The following CLASP2 variants were observed in gnomAD, a reference collection of about 807,000 sequenced individuals.
CLASP2 encodes CLIP-associating protein 2.
CLASP2 carries 47 observed loss-of-function variants against 194.4 expected under a neutral mutation model. The ratio of observed to expected loss-of-function variants is 0.24; its 90% CI spans 0.19 to 0.31. CLASP2 has a LOEUF of 0.31. CLASP2 is among the 10% of genes least tolerant of loss of function. The probability of loss-of-function intolerance (pLI) is 1.00; values close to 1 mark genes in which losing one functional copy is unlikely to be tolerated. For synonymous variants in CLASP2, 619 were observed against 633.5 expected (o/e 0.98, Z 0.34); for missense variants, 1,445 against 1,823.6 (o/e 0.79, Z 3.78).
intron 29 of CLASP2, among the ~76,000 whole-genome samples, chr3:33,555,548 T>C (rs1306765492): frequency 6.6e-6 from 1 of 152,142 alleles, no homozygotes; most frequent in African/African-American, 2.4e-5. Flanking sequence ...AAAAATTTTT[T>C]GTAGAGATGG....
intron 18 of CLASP2, 121 bp from the exon 19 acceptor site, chr3:33,596,855 T>C (rs2154246608): frequency 1.4e-6 from 1 of 731,976 alleles, no homozygotes; most frequent in Non-Finnish European, 2.2e-6. Context: ...GACGTATATA[T>C]CAAGCTTGTT....
chr3:33,537,568 T>C lies in CLASP2; in HGVS notation c.3558+1221A>G, dbSNP rs546992180. On this transcript the variant is annotated intron_variant, in intron 33 of 38. Transcript: ENST00000682230. ...AAGTAAAAAACTATTCTGTGTATAATGGCAGAAGCAATAAACAATATTCAA... is the reference window on the plus strand; with the variant it reads ...AAGTAAAAAACTATTCTGTGTATAACGGCAGAAGCAATAAACAATATTCAA... Among the ~76,000 whole-genome samples the C allele has an allele frequency of 3.3e-4, 51 of 152,326 alleles. No individual in the cohort carries two copies. In the South Asian group the frequency reaches 6.2e-3, roughly 19 times the overall value.
chr3:33,648,198 T>C (rs1156430577), intron 7 of CLASP2, among the ~76,000 whole-genome samples: 1 of 152,060 alleles, frequency 6.6e-6, no homozygotes, highest in Non-Finnish European at 1.5e-5. Flanking sequence ...CTCTTAAATA[T>C]AAATGAACTA....
At chr3:33,602,202 T>C (rs995350184) in intron 18 of CLASP2, among the ~76,000 whole-genome samples, 3 of 152,034 alleles carry the variant, frequency 2.0e-5, no homozygotes, top group African/African-American at 4.8e-5. Flanking sequence ...TTAGTAGAGA[T>C]AGGGTTTTGC....
At position 33,544,006 on chromosome 3, in the gene CLASP2, T is replaced by C. The variant is rs543319900; in HGVS notation, c.3298-467A>G. Among the ~76,000 whole-genome samples, 9 of 152,306 alleles carry C rather than the reference T, an allele frequency of 5.9e-5. No individual in the cohort carries two copies. In the South Asian group the frequency reaches 1.9e-3, roughly 32 times the overall value. Reference sequence around the variant, plus strand: ...ACTGACTCTGGTTCACAAGAAATTGTTTTAGAATTACTTTTAACCCTCCTC... The same window carrying C: ...ACTGACTCTGGTTCACAAGAAATTGCTTTAGAATTACTTTTAACCCTCCTC... On this transcript the variant is annotated intron_variant, in intron 31 of 38. Transcript: ENST00000682230.
At chr3:33,598,308 C>A (rs1278697091) in intron 18 of CLASP2, among the ~76,000 whole-genome samples, 1 of 152,134 alleles carries the variant, frequency 6.6e-6, no homozygotes, top group Non-Finnish European at 1.5e-5. Context: ...AATCTTCAGG[C>A]AGAAAGTCAC....
chr3:33,578,158 T>G (rs9882049), intron 23 of CLASP2, among the ~76,000 whole-genome samples: 4,394 of 152,226 alleles, frequency 0.029, 207 homozygotes, highest in African/African-American at 0.099. Flanking sequence ...TTTACATTGT[T>G]GAAAAGTCAA....
chr3:33,600,285 C>T (rs964289155), intron 18 of CLASP2, among the ~76,000 whole-genome samples: 2 of 152,042 alleles, frequency 1.3e-5, no homozygotes, highest in Admixed American at 6.6e-5. Context: ...ACATTCTCGT[C>T]TTGTTACTGA....
rs2061409636 is a variant in CLASP2, at chr3:33,559,154, C to A, written c.3009+153G>T. 5.7e-6 allele frequency: 4 copies of A among 700,290 alleles called. No individual in the cohort carries two copies. In the East Asian group the frequency reaches 1.1e-4, roughly 19 times the overall value. The allele number at this position is 700,290 out of a possible 1,614,324, so 43.4% of individuals were successfully genotyped here. A position where few individuals can be genotyped will look rare whatever the true frequency, so the allele number is the denominator to read the frequency against. On this transcript the variant is annotated intron_variant, in intron 29 of 38. Transcript: ENST00000682230. ...GAGCTCCAAAAAGAGTGAAGCTGGT[C>A]CCGAAGTGCTGGCTTGACTGTCTGA...
intron 2 of CLASP2, among the ~76,000 whole-genome samples, chr3:33,694,893 C>T (rs1373806834): frequency 6.6e-6 from 1 of 151,502 alleles, no homozygotes; most frequent in Non-Finnish European, 1.5e-5. Flanking sequence ...CAGTGAGCCA[C>T]GATCATACTA....
chr3:33,559,017 T>C (rs1026494127), intron 29 of CLASP2: 24 of 443,356 alleles, frequency 5.4e-5, no homozygotes, highest in African/African-American at 4.4e-4. Flanking sequence ...TGAAATCAAA[T>C]GTGTGCATGC....
At chr3:33,532,983 A>G (rs1308078784) in intron 34 of CLASP2, among the ~76,000 whole-genome samples, 1 of 152,242 alleles carries the variant, frequency 6.6e-6, no homozygotes, top group Non-Finnish European at 1.5e-5. Context: ...TCATGAAGAA[A>G]AAGTTCTTTG....
At chr3:33,671,873 G>C (rs974954029) in intron 6 of CLASP2, among the ~76,000 whole-genome samples, 1 of 152,074 alleles carries the variant, frequency 6.6e-6, no homozygotes, top group South Asian at 2.1e-4. Context: ...ACTGCAAGGC[G>C]GCAGCGAGGC....
chr3:33,595,344 A>T (rs1002268211), intron 19 of CLASP2, among the ~76,000 whole-genome samples: 2 of 152,118 alleles, frequency 1.3e-5, no homozygotes, highest in African/African-American at 4.8e-5. Flanking sequence ...CAGAGTAGAA[A>T]TGTTTTCTCT....
intron 29 of CLASP2, among the ~76,000 whole-genome samples, chr3:33,557,160 G>T (rs1284060126): frequency 1.3e-5 from 2 of 151,954 alleles, no homozygotes; most frequent in East Asian, 3.9e-4. Flanking sequence ...TTTCAGTAGA[G>T]ACAGGGTTTC....
intron 6 of CLASP2, among the ~76,000 whole-genome samples, chr3:33,677,760 G>GA (rs550751096): frequency 6.4e-4 from 91 of 141,232 alleles, no homozygotes; most frequent in South Asian, 3.6e-3. Flanking sequence ...CTTGCTGCCT[G>GA]AAAAAAAAAA....
chr3:33,582,254 T>G (rs2066324572), intron 22 of CLASP2, among the ~76,000 whole-genome samples: 2 of 152,210 alleles, frequency 1.3e-5, no homozygotes, highest in Admixed American at 1.3e-4. Context: ...TCTAACACTT[T>G]TGGTATCTTA....
At chr3:33,707,048 G>A (rs1003773865) in intron 1 of CLASP2, among the ~76,000 whole-genome samples, 3 of 152,058 alleles carry the variant, frequency 2.0e-5, no homozygotes, top group African/African-American at 4.8e-5. Flanking sequence ...ACCAAACAAG[G>A]AACATGAATA....
At position 33,584,737 on chromosome 3, in the gene CLASP2, A is replaced by AG. The variant is rs775580945; in HGVS notation, c.2239+12_2239+13insC. On this transcript the variant is annotated intron_variant, in intron 22 of 38. Transcript: ENST00000682230. ...GTTACATGTCTCACATAAAAAAAAA[A>AG]AAAAAATCTTACCCACTGAAAGCCT... 16 of 1,559,724 alleles carry AG rather than the reference A, an allele frequency of 1.0e-5. No individual in the cohort carries two copies. The highest frequency in any genetic ancestry group is 4.5e-5 in the East Asian group (2 of 44,418).
Sources: gnomAD v4.1 joint callset for allele counts (sites outside exome capture counted in the v4.1 genomes callset) on GRCh38, gnomAD v4.1.1 for gene constraint, MANE v1.5 for transcripts, NCBI Gene and HGNC (gene_info 2026-07-23, HGNC 2026-07-21) for gene names.